The following NT5DC3 variants were observed in gnomAD, a reference collection of about 807,000 sequenced individuals.
The protein encoded by NT5DC3 is 5'-nucleotidase domain-containing protein 3.
NT5DC3 carries 42 observed loss-of-function variants against 67.8 expected under a neutral mutation model. The observed-to-expected ratio is 0.62, with a 90% CI of 0.48 to 0.80. The LOEUF (loss-of-function observed/expected upper bound fraction) is 0.80, where lower values mean the gene tolerates loss of function less well. NT5DC3 is among the 30% of genes least tolerant of loss of function. The probability of loss-of-function intolerance (pLI) is 0.00; values close to 1 mark genes in which losing one functional copy is unlikely to be tolerated. For missense variants in NT5DC3, 570 were observed against 696.4 expected (o/e 0.82, Z 2.04); for synonymous variants, 237 against 255.6 (o/e 0.93, Z 0.69).
the NT5DC3 span, among the ~76,000 whole-genome samples, chr12:103,747,943 T>TGAGATCA: frequency 7.1e-6 from 1 of 140,332 alleles, no homozygotes; most frequent in Non-Finnish European, 1.5e-5. Flanking sequence ...TGCAGTGAGC[T>TGAGATCA]GAGATCAGGC....
chr12:103,753,819 C>G, the NT5DC3 span, among the ~76,000 whole-genome samples: 2 of 152,154 alleles, frequency 1.3e-5, no homozygotes, highest in African/African-American at 4.8e-5. Context: ...TACCCACGAG[C>G]CTAGGGTGGA....
chr12:103,840,848 A>C, intron 1 of NT5DC3, 101 bp downstream of exon 1: 1 of 512,270 alleles, frequency 2.0e-6, no homozygotes, highest in Non-Finnish European at 3.0e-6. Flanking sequence ...GAGGCCCTGG[A>C]GGTCCGCAGC....
At chr12:103,824,679 G>A (rs1398256421) in intron 1 of NT5DC3, among the ~76,000 whole-genome samples, 4 of 152,038 alleles carry the variant, frequency 2.6e-5, no homozygotes, top group African/African-American at 9.7e-5. Flanking sequence ...ATATGCTGCA[G>A]AGACATCTGT....
intron 4 of NT5DC3, 50 bp downstream of exon 4, chr12:103,806,272 A>G (rs1886796958): frequency 8.2e-7 from 1 of 1,223,924 alleles, no homozygotes; most frequent in African/African-American, 1.5e-5. Flanking sequence ...CTGAAACCCA[A>G]AGCACCTGGT....
intron 13 of NT5DC3, 37 bp from the exon 14 acceptor site, chr12:103,778,118 G>T: frequency 5.2e-6 from 8 of 1,538,648 alleles, no homozygotes; most frequent in Admixed American, 2.2e-5. Context: ...AACAGAGAAT[G>T]ATTCAAAAAT....
intron 10 of NT5DC3, 152 bp downstream of exon 10, chr12:103,788,686 C>T: frequency 1.6e-6 from 1 of 620,116 alleles, no homozygotes; most frequent in Non-Finnish European, 3.0e-6. Flanking sequence ...TTGATTTAAA[C>T]CTAAGTTTAC....
chr12:103,788,251 G>A (rs918542300), intron 10 of NT5DC3, among the ~76,000 whole-genome samples: 1 of 152,096 alleles, frequency 6.6e-6, no homozygotes, highest in Non-Finnish European at 1.5e-5. Context: ...GACCAGCTTG[G>A]GCAAAATGGC....
In NT5DC3 at chr12:103,779,898, G is replaced by A. The variant is rs138089225; in HGVS notation, c.1394+402C>T. 2.0e-3 allele frequency among the ~76,000 whole-genome samples: 303 copies of A among 152,248 alleles called. 2 individuals are homozygous for A. Among genetic ancestry groups the A allele is most frequent in the African/African-American group, 6.9e-3 (287 of 41,548 alleles). ...GTGGTTACAAATAAGCACCAGGGTC[G>A]TAGGAGCCCTAAGAATTCATTGAGG... On this transcript the variant is annotated intron_variant, in intron 13 of 13. Transcript: ENST00000392876.
At chr12:103,820,512 T>C (rs111617122) in intron 1 of NT5DC3, among the ~76,000 whole-genome samples, 10 of 152,202 alleles carry the variant, frequency 6.6e-5, no homozygotes, top group Non-Finnish European at 1.0e-4. Flanking sequence ...TGTGTAAAGA[T>C]GTGAGCTTGG....
chr12:103,747,334 T>C, the NT5DC3 span, among the ~76,000 whole-genome samples: 4 of 152,206 alleles, frequency 2.6e-5, no homozygotes, highest in East Asian at 5.8e-4. Context: ...AAGGCAGATG[T>C]TTCCTATTGT....
chr12:103,805,176 T>C (rs1210084860), intron 4 of NT5DC3, among the ~76,000 whole-genome samples: 1 of 151,082 alleles, frequency 6.6e-6, no homozygotes, highest in Non-Finnish European at 1.5e-5. Context: ...ACTGGAGAAG[T>C]GGGAGGAGGT....
the NT5DC3 span, among the ~76,000 whole-genome samples, chr12:103,748,011 AAAAGGG>A: frequency 6.6e-6 from 1 of 151,784 alleles, no homozygotes; most frequent in African/African-American, 2.4e-5. Context: ...AAAAAAAAAA[AAAAGGG>A]AAGAAGAAGA....
At chr12:103,789,499 A>G (rs1040372294) in intron 9 of NT5DC3, among the ~76,000 whole-genome samples, 1 of 152,148 alleles carries the variant, frequency 6.6e-6, no homozygotes, top group Non-Finnish European at 1.5e-5. Context: ...TGCACTAAAC[A>G]TGTCCCTCTT....
At chr12:103,762,757 A>G in the NT5DC3 span, among the ~76,000 whole-genome samples, 1 of 152,318 alleles carries the variant, frequency 6.6e-6, no homozygotes, top group Admixed American at 6.5e-5. Flanking sequence ...CCCATGACCT[A>G]GCTTGGGCTT....
chr12:103,836,668 T>C (rs571725275), intron 1 of NT5DC3, among the ~76,000 whole-genome samples: 1 of 148,960 alleles, frequency 6.7e-6, no homozygotes. Flanking sequence ...GTTTTCCTTT[T>C]TCCTTTTTTA....
chr12:103,789,988 G>A (rs1885970274), intron 9 of NT5DC3, among the ~76,000 whole-genome samples: 1 of 152,048 alleles, frequency 6.6e-6, no homozygotes, highest in Non-Finnish European at 1.5e-5. Flanking sequence ...ATCACTTTGT[G>A]TACACTAATT....
At chr12:103,763,264 A>G in the NT5DC3 span, 28 of 537,248 alleles carry the variant, frequency 5.2e-5, 1 homozygote, top group Middle Eastern at 5.1e-4. Context: ...GAAATGCCCT[A>G]TGTGCCGATT....
chr12:103,763,359 A>G, the NT5DC3 span: 4 of 683,344 alleles, frequency 5.9e-6, no homozygotes, highest in Non-Finnish European at 1.0e-5. Context: ...TATGTGAATC[A>G]TCTCTCAACA....
intron 1 of NT5DC3, among the ~76,000 whole-genome samples, chr12:103,823,889 A>G (rs927763793): frequency 3.9e-5 from 6 of 152,230 alleles, no homozygotes; most frequent in African/African-American, 1.2e-4. Context: ...GAAAATGACA[A>G]GAAAAAGACA....
Sources: gnomAD v4.1 joint callset for allele counts (sites outside exome capture counted in the v4.1 genomes callset) on GRCh38, gnomAD v4.1.1 for gene constraint, MANE v1.5 for transcripts, NCBI Gene and HGNC (gene_info 2026-07-23, HGNC 2026-07-21) for gene names.